The following CDH7 variants were observed in gnomAD, a reference collection of about 807,000 sequenced individuals.
CDH7 encodes the protein cadherin-7.
CDH7 carries 25 observed loss-of-function variants against 71.8 expected under a neutral mutation model. That is an observed-to-expected ratio of 0.35 (90% CI 0.25 to 0.49). The LOEUF is 0.49. Ranked by LOEUF, CDH7 falls within the 20% of genes least tolerant of loss-of-function variation. CDH7 has a pLI of 0.99. For synonymous variants in CDH7, 381 were observed against 363.8 expected, an observed-to-expected ratio of 1.05 and a Z score of -0.54; for missense variants, 862 against 974.6, an observed-to-expected ratio of 0.88 and a Z score of 1.54.
intron 2 of CDH7, among the ~76,000 whole-genome samples, chr18:65,804,275 A>G (rs1472800480): frequency 1.3e-5 from 2 of 152,092 alleles, no homozygotes; most frequent in Non-Finnish European, 2.9e-5. Context: ...AGTGGTCACA[A>G]TTATGCAAGT....
At chr18:65,755,440 G>A (rs1916004396) in intron 1 of CDH7, among the ~76,000 whole-genome samples, 1 of 152,184 alleles carries the variant, frequency 6.6e-6, no homozygotes. Context: ...CCTCTAACAT[G>A]AACCCTAATG....
At position 65,793,575 on chromosome 18, in the gene CDH7, A is replaced by C. The variant is rs536307746; in HGVS notation, c.211-16129A>C. ...TAAGTCTGTAGATCGGATCTCAAAA[A>C]TTAGGTAAAGATTTATTGTTAATGG... On this transcript the variant is annotated intron_variant, in intron 2 of 11. Transcript: ENST00000397968. Among the ~76,000 whole-genome samples, 6 of 152,290 alleles carry C rather than the reference A, an allele frequency of 3.9e-5. No individual in the cohort carries two copies. In the South Asian group the frequency reaches 8.3e-4, roughly 21 times the overall value.
At chr18:65,784,450 A>T (rs950094691) in intron 2 of CDH7, among the ~76,000 whole-genome samples, 2 of 152,056 alleles carry the variant, frequency 1.3e-5, no homozygotes, top group South Asian at 4.1e-4. Flanking sequence ...GCTAGTTTGG[A>T]GTAAGTAGCG....
chr18:65,870,022 A>C (rs969462088), intron 11 of CDH7, among the ~76,000 whole-genome samples: 3 of 152,230 alleles, frequency 2.0e-5, no homozygotes, highest in East Asian at 1.9e-4. Context: ...ACAGATTAAA[A>C]GAATTTAAAT....
Position 65,781,824 on chromosome 18 carries a change from T to C in CDH7, c.210+18772T>C, listed in dbSNP as rs1470614268. ...CTTCCTTCCTTCCTTCCTTCCTTCTTTCTTTCTTTCTTTCTTTCTTTCTTT... is the reference window on the plus strand; with the variant it reads ...CTTCCTTCCTTCCTTCCTTCCTTCTCTCTTTCTTTCTTTCTTTCTTTCTTT... On this transcript the variant is annotated intron_variant, in intron 2 of 11. Coordinates refer to ENST00000397968, the MANE Select transcript of CDH7 (RefSeq NM_004361.5). 4.3e-4 allele frequency among the ~76,000 whole-genome samples: 31 copies of C among 72,068 alleles called. 1 individual carries two copies. Among genetic ancestry groups the C allele is most frequent in the African/African-American group, 3.2e-3 (29 of 8,930 alleles). The allele number at this position is 72,068 out of a possible 152,430, so 47.3% of individuals were successfully genotyped here. A position where few individuals can be genotyped will look rare whatever the true frequency, so the allele number is the denominator to read the frequency against.
intron 11 of CDH7, among the ~76,000 whole-genome samples, chr18:65,874,599 A>G (rs1027434169): frequency 3.3e-5 from 5 of 152,236 alleles, no homozygotes; most frequent in African/African-American, 1.2e-4. Flanking sequence ...ATGTACACCA[A>G]AAGTCCAGAC....
At chr18:65,856,730 C>T (rs4468726) in intron 7 of CDH7, among the ~76,000 whole-genome samples, 3,535 of 151,784 alleles carry the variant, frequency 0.023, 124 homozygotes, top group African/African-American at 0.079. Flanking sequence ...TTCATTTGTT[C>T]GTTTAATTGT....
At chr18:65,837,511 T>G (rs1260083213) in intron 6 of CDH7, among the ~76,000 whole-genome samples, 1 of 152,218 alleles carries the variant, frequency 6.6e-6, no homozygotes, top group East Asian at 1.9e-4. Flanking sequence ...CTGTCTTCCT[T>G]GATGGTAAAA....
intron 5 of CDH7, among the ~76,000 whole-genome samples, chr18:65,822,508 T>G (rs1177228827): frequency 2.0e-5 from 3 of 152,100 alleles, no homozygotes; most frequent in Non-Finnish European, 4.4e-5. Flanking sequence ...ATTCACATTT[T>G]GAATACTAGA....
At chr18:65,859,402 A>G (rs992289443) in intron 9 of CDH7, among the ~76,000 whole-genome samples, 5 of 152,164 alleles carry the variant, frequency 3.3e-5, no homozygotes, top group Admixed American at 1.3e-4. Flanking sequence ...GTGCAGTTCA[A>G]TCTCAGTTTG....
In CDH7 at chr18:65,781,976, CTCTCTCTCTCTT is replaced by C. The variant is rs1568182069; in HGVS notation, c.210+18932_210+18943del. Among the ~76,000 whole-genome samples the C allele has an allele frequency of 3.9e-4, 31 of 80,360 alleles. 3 individuals are homozygous for C. Among genetic ancestry groups the C allele is most frequent in the Non-Finnish European group, 5.5e-4 (25 of 45,634 alleles). The allele number at this position is 80,360 out of a possible 152,430, so 52.7% of individuals were successfully genotyped here. A position where few individuals can be genotyped will look rare whatever the true frequency, so the allele number is the denominator to read the frequency against. On this transcript the variant is annotated intron_variant, in intron 2 of 11. Transcript: ENST00000397968. ...TCTTTCTCTCTTTCTCTCTCTCTCT[CTCTCTCTCTCTT>C]TCTCTCTTTCTCTCTTTCTCTCTTT...
At chr18:65,776,782 T>C (rs955185231) in intron 2 of CDH7, among the ~76,000 whole-genome samples, 2 of 152,154 alleles carry the variant, frequency 1.3e-5, no homozygotes, top group African/African-American at 4.8e-5. Context: ...GACAAATTCA[T>C]TTCAGTTCCA....
At chr18:65,751,308 A>G (rs961157713) in intron 1 of CDH7, among the ~76,000 whole-genome samples, 158 bp downstream of exon 1, 1 of 152,216 alleles carries the variant, frequency 6.6e-6, no homozygotes, top group Non-Finnish European at 1.5e-5. Context: ...TGCGTGTTGC[A>G]GTGAGATGTG....
At position 65,858,976 on chromosome 18, in the gene CDH7, T is replaced by G; in HGVS notation, c.1424T>G (p.Ile475Ser). ...TATGTGGCCATCACTATACTTGACATCAATGATAACGCCCCTGAATTTGCC... is the reference window on the plus strand; with the variant it reads ...TATGTGGCCATCACTATACTTGACAGCAATGATAACGCCCCTGAATTTGCC... ...RGYVAITILD[I>S]NDNAPEFAMD... Residue 475 changes from isoleucine to serine, a missense_variant, in exon 9 of 12, where the codon ATC becomes AGC. By Grantham distance (142) the Ile-to-Ser change is moderately radical. Coordinates refer to ENST00000397968, the MANE Select transcript of CDH7 (RefSeq NM_004361.5). 6.2e-7 allele frequency: 1 copy of G among 1,612,594 alleles called. No individual in the cohort carries two copies. The highest frequency in any genetic ancestry group is 1.1e-5 in the South Asian group (1 of 91,050).
chr18:65,840,080 T>G (rs1446340817), intron 6 of CDH7, among the ~76,000 whole-genome samples: 1 of 152,246 alleles, frequency 6.6e-6, no homozygotes, highest in Non-Finnish European at 1.5e-5. Context: ...TGGCAGAGAA[T>G]GTACTCCCTG....
Position 65,885,823 on chromosome 18 carries a change from T to A in CDH7, c.*4929T>A, listed in dbSNP as rs1211375313. On this transcript the variant is annotated 3_prime_UTR_variant, in exon 12 of 12. Transcript: ENST00000397968. Reference sequence around the variant, plus strand: ...TAAGACTAGAAAATATGGTACCGAATGAAAGGAGAAATATCTTATTTGCTG... The same window carrying A: ...TAAGACTAGAAAATATGGTACCGAAAGAAAGGAGAAATATCTTATTTGCTG... 1 of 152,122 alleles carries A rather than the reference T, an allele frequency of 6.6e-6. No homozygotes were observed. Among genetic ancestry groups the A allele is most frequent in the Admixed American group, 6.5e-5 (1 of 15,282 alleles). The allele number at this position is 152,122 out of a possible 1,614,324, so 9.4% of individuals were successfully genotyped here. A position where few individuals can be genotyped will look rare whatever the true frequency, so the allele number is the denominator to read the frequency against.
chr18:65,860,249 AC>A (rs1218374906), intron 10 of CDH7, among the ~76,000 whole-genome samples: 3 of 152,128 alleles, frequency 2.0e-5, no homozygotes, highest in Admixed American at 2.0e-4. Context: ...TTTCGATAAT[AC>A]CCCTTACTCT....
rs1447022218 is a variant in CDH7, at chr18:65,866,204, C to T, written c.1864+3287C>T. Among the ~76,000 whole-genome samples, 85 of 34,192 alleles carry T rather than the reference C, an allele frequency of 2.5e-3. 33 individuals are homozygous for T. The highest frequency in any genetic ancestry group is 8.9e-3 in the African/African-American group (77 of 8,648). 22.4% of individuals were successfully genotyped at this position (34,192 alleles called of 152,430 possible). A position where few individuals can be genotyped will look rare whatever the true frequency, so the allele number is the denominator to read the frequency against. On this transcript the variant is annotated intron_variant, in intron 11 of 11. Coordinates refer to ENST00000397968, the MANE Select transcript of CDH7 (RefSeq NM_004361.5). ...GTCCCAGCTACTTGGGAGGCTGAGG[C>T]AGGAGAATGGCGTGAACCCGGGAGG...
chr18:65,873,664 G>A (rs1913990209), intron 11 of CDH7, among the ~76,000 whole-genome samples: 1 of 152,128 alleles, frequency 6.6e-6, no homozygotes, highest in African/African-American at 2.4e-5. Context: ...TGCAGCTAGT[G>A]GCAACTATGG....
Sources: gnomAD v4.1 joint callset for allele counts (sites outside exome capture counted in the v4.1 genomes callset) on GRCh38, gnomAD v4.1.1 for gene constraint, MANE v1.5 for transcripts, NCBI Gene and HGNC (gene_info 2026-07-23, HGNC 2026-07-21) for gene names.